The following MGRN1 variants were observed in gnomAD, a reference collection of about 807,000 sequenced individuals.
MGRN1 encodes the protein E3 ubiquitin-protein ligase MGRN1.
A neutral mutation model predicts 69.2 loss-of-function variants in MGRN1; 29 were observed. The ratio of observed to expected loss-of-function variants is 0.42; its 90% CI spans 0.31 to 0.57. The LOEUF is 0.57. Ranked by LOEUF, MGRN1 falls within the 20% of genes least tolerant of loss-of-function variation. The pLI is 0.15. For missense variants in MGRN1, 998 were observed against 796.2 expected, an observed-to-expected ratio of 1.25 and a Z score of -3.05; for synonymous variants, 470 against 344.2, an observed-to-expected ratio of 1.37 and a Z score of -4.04.
rs1351527376 is a variant in MGRN1, at chr16:4,680,097, A to G, written c.1131A>G (p.Thr377=). The G allele has an allele frequency of 4.3e-6, 7 of 1,613,852 alleles. No homozygotes were observed. Among genetic ancestry groups the G allele is most frequent in the East Asian group, 2.2e-5 (1 of 44,870 alleles). Residue 377 remains threonine, a splice_region_variant and synonymous_variant, in exon 12 of 17, where the codon ACA becomes ACG. Coordinates refer to ENST00000262370, the MANE Select transcript of MGRN1 (RefSeq NM_015246.4). ...SLASKKPKRE[T]NSDSVPPGYE... is the part of the protein sequence containing the mutation. ...CCAGCAAGAAACCTAAAAGGGAAAC[A>G]GTAAGTGTCTGGTCCTCCGGCTACG...
rs117360575 is a variant in MGRN1 at position 4,680,464 on chromosome 16, C to T, written c.1131+367C>T. The T allele has an allele frequency of 5.3e-4, 128 of 242,254 alleles. 2 individuals are homozygous for T. The East Asian group carries it at 0.014, about 26-fold the overall frequency. The allele number at this position is 242,254 out of a possible 1,614,324, so 15.0% of individuals were successfully genotyped here. A position where few individuals can be genotyped will look rare whatever the true frequency, so the allele number is the denominator to read the frequency against. On this transcript the variant is annotated intron_variant, in intron 12 of 16. Coordinates refer to ENST00000262370, the MANE Select transcript of MGRN1 (RefSeq NM_015246.4). ...GCGCATGCTTCTTGGCCCCGTGTCCCGCTCCTTTACCCTGCGGGTTCGAGC... is the reference window on the plus strand; with the variant it reads ...GCGCATGCTTCTTGGCCCCGTGTCCTGCTCCTTTACCCTGCGGGTTCGAGC...
chr16:4,664,314 T>A (rs1463081032), intron 5 of MGRN1: 1 of 287,026 alleles, frequency 3.5e-6, no homozygotes, highest in Non-Finnish European at 6.7e-6. Context: ...AAATGGCAAA[T>A]CCCTGGAGAC....
intron 7 of MGRN1, among the ~76,000 whole-genome samples, chr16:4,665,470 G>T (rs1027768739): frequency 6.6e-6 from 1 of 151,092 alleles, no homozygotes; most frequent in African/African-American, 2.4e-5. Flanking sequence ...CTGGGTTCAA[G>T]CGATTCTCCC....
At chr16:4,640,800 C>T (rs2078140098) in intron 1 of MGRN1, among the ~76,000 whole-genome samples, 1 of 152,212 alleles carries the variant, frequency 6.6e-6, no homozygotes, top group Non-Finnish European at 1.5e-5. Context: ...CCCCGTGGTC[C>T]CCCGGCTGCA....
chr16:4,635,643 C>CT lies in MGRN1; in HGVS notation c.88+10604dup, dbSNP rs993475303. ...CACCACACCCAGCTAACTTTTTTTT[C>CT]TTTTTTTTTGAGACAGAGTCTCGCA... On this transcript the variant is annotated intron_variant, in intron 1 of 16. Coordinates refer to ENST00000262370, the MANE Select transcript of MGRN1 (RefSeq NM_015246.4). Among the ~76,000 whole-genome samples the CT allele has an allele frequency of 1.4e-3, 200 of 147,058 alleles. 1 individual carries two copies. The highest frequency in any genetic ancestry group is 4.4e-3 in the African/African-American group (177 of 40,064).
intron 3 of MGRN1, 91 bp from the exon 4 acceptor site, chr16:4,652,587 C>T (rs1357496978): frequency 4.8e-6 from 7 of 1,469,084 alleles, no homozygotes; most frequent in Non-Finnish European, 6.4e-6. Flanking sequence ...CACATAGCCA[C>T]CTCCACGGCC....
chr16:4,656,882 A>AAAATAAATAAAT (rs57256799), intron 4 of MGRN1, among the ~76,000 whole-genome samples: 2 of 146,724 alleles, frequency 1.4e-5, no homozygotes, highest in African/African-American at 2.5e-5. Context: ...TCTTATCTCA[A>AAAATAAATAAAT]AAATAAATAA....
chr16:4,632,612 T>G (rs1055438119), intron 1 of MGRN1, among the ~76,000 whole-genome samples: 2 of 152,118 alleles, frequency 1.3e-5, no homozygotes, highest in African/African-American at 4.8e-5. Flanking sequence ...GCCAGGATGG[T>G]CTCGATCTCC....
Position 4,687,975 on chromosome 16 carries a change from G to T in MGRN1, c.1619-821G>T, listed in dbSNP as rs530473770. 142 of 985,646 alleles carry T rather than the reference G, an allele frequency of 1.4e-4. No homozygotes were observed. The South Asian group carries it at 5.6e-3, about 39-fold the overall frequency. 61.1% of individuals were successfully genotyped at this position (985,646 alleles called of 1,614,324 possible). A position where few individuals can be genotyped will look rare whatever the true frequency, so the allele number is the denominator to read the frequency against. ...GCCCCGGCCTGCGCATCGGTGGAAG[G>T]TGCCGTGCGAATGTCACGATTCAGG... On this transcript the variant is annotated intron_variant, in intron 16 of 16. Transcript: ENST00000262370.
At chr16:4,644,503 T>C (rs1339707387) in intron 1 of MGRN1, among the ~76,000 whole-genome samples, 1 of 151,522 alleles carries the variant, frequency 6.6e-6, no homozygotes, top group Non-Finnish European at 1.5e-5. Context: ...AGAGACAGGG[T>C]TTCTCCATTA....
At position 4,669,787 on chromosome 16, in the gene MGRN1, G is replaced by A. The variant is rs1161024734; in HGVS notation, c.726+1475G>A. On this transcript the variant is annotated intron_variant, in intron 8 of 16. Coordinates refer to ENST00000262370, the MANE Select transcript of MGRN1 (RefSeq NM_015246.4). ...GATTAAATAGTTGAGAATAAATGGA[G>A]CTATAGAGCAGTACATCTGTTCTCT... Among the ~76,000 whole-genome samples the A allele has an allele frequency of 2.0e-5, 3 of 152,160 alleles. No homozygotes were observed. In the East Asian group the frequency reaches 5.8e-4, roughly 29 times the overall value.
intron 10 of MGRN1, chr16:4,677,101 C>T (rs78081577): frequency 0.016 from 2,904 of 182,230 alleles, 46 homozygotes; most frequent in Non-Finnish European, 0.024. Flanking sequence ...GGCCACCAGC[C>T]TCTTGGAAAC....
At chr16:4,648,532 C>T (rs1449495387) in intron 1 of MGRN1, among the ~76,000 whole-genome samples, 19 of 123,778 alleles carry the variant, frequency 1.5e-4, no homozygotes, top group African/African-American at 2.3e-4. Context: ...GGGCTCTTCC[C>T]GTGGTCACCC....
intron 1 of MGRN1, chr16:4,633,559 T>G (rs1187067791): frequency 2.7e-5 from 4 of 150,272 alleles, no homozygotes; most frequent in Non-Finnish European, 5.9e-5. Context: ...GGCGTGGTGG[T>G]ACGTGCCTGT....
intron 8 of MGRN1, among the ~76,000 whole-genome samples, chr16:4,670,270 TCTCA>T (rs550122941): frequency 9.2e-5 from 14 of 151,944 alleles, no homozygotes; most frequent in Non-Finnish European, 2.1e-4. Flanking sequence ...TGAGATGGAG[TCTCA>T]CTCTGTCGCC....
At position 4,681,681 on chromosome 16, in the gene MGRN1, C is replaced by G; in HGVS notation, c.1263C>G (p.Asp421Glu). Residue 421 changes from aspartate to glutamate, a missense_variant, in exon 13 of 17, where the codon GAC (aspartate) becomes GAG (glutamate). Transcript: ENST00000262370. ...YEEITYSGIS[D>E]GLSQASCPLA... Reference sequence around the variant, plus strand: ...AAATCACCTATTCAGGCATCTCGGACGGCCTGTCCCAGGCCAGCTGTCCCC... The same window carrying G: ...AAATCACCTATTCAGGCATCTCGGAGGGCCTGTCCCAGGCCAGCTGTCCCC... The G allele has an allele frequency of 1.2e-6, 2 of 1,613,444 alleles. No individual in the cohort carries two copies. Among genetic ancestry groups the G allele is most frequent in the Non-Finnish European group, 1.7e-6 (2 of 1,180,006 alleles).
In MGRN1 at chr16:4,665,116, G is replaced by A. The variant is rs369656469; in HGVS notation, c.643G>A (p.Gly215Ser). 3 of 1,614,118 alleles carry A rather than the reference G, an allele frequency of 1.9e-6. No homozygotes were observed. Among genetic ancestry groups the A allele is most frequent in the Non-Finnish European group, 2.5e-6 (3 of 1,180,048 alleles). Residue 215 changes from glycine to serine, a missense_variant, in exon 7 of 17, where the codon GGC becomes AGC. Physicochemically the swap from Gly to Ser is moderately conservative, Grantham distance 56. Coordinates refer to ENST00000262370, the MANE Select transcript of MGRN1 (RefSeq NM_015246.4). ...VDEGDVVEVT[G>S]HAHVLLAAFE... ...CTCCCCAGCAGTGGTGGAAGTGACT[G>A]GCCACGCCCACGTGCTCTTGGCTGC... is the stretch of plus-strand genomic sequence containing the variant.
chr16:4,665,124 C>T lies in MGRN1; in HGVS notation c.651C>T (p.Ala217=). The change falls in exon 7 of 17, where the codon GCC becomes GCT. Residue 217 remains alanine (A), a synonymous_variant. Transcript: ENST00000262370. ...EGDVVEVTGH[A]HVLLAAFEKH... ...CAGTGGTGGAAGTGACTGGCCACGC[C>T]CACGTGCTCTTGGCTGCCTTTGAAA... is the stretch of plus-strand genomic sequence containing the variant. 19 of 1,614,228 alleles carry T rather than the reference C, an allele frequency of 1.2e-5. No individual in the cohort carries two copies. Among genetic ancestry groups the T allele is most frequent in the Non-Finnish European group, 1.6e-5 (19 of 1,180,042 alleles).
chr16:4,671,199 C>G, intron 8 of MGRN1, 192 bp from the exon 9 acceptor site: 1 of 607,948 alleles, frequency 1.6e-6, no homozygotes, highest in East Asian at 2.8e-5. Context: ...CAGCCCTGTT[C>G]CAGGTGCTGC....
Sources: gnomAD v4.1 joint callset for allele counts (sites outside exome capture counted in the v4.1 genomes callset) on GRCh38, gnomAD v4.1.1 for gene constraint, MANE v1.5 for transcripts, NCBI Gene and HGNC (gene_info 2026-07-23, HGNC 2026-07-21) for gene names.